LDB2: variants seen among roughly 807,000 people sequenced by gnomAD.
LDB2 encodes LIM domain binding 2, also known as LIM domain-binding protein 2.
A neutral mutation model predicts 44.3 loss-of-function variants in LDB2; 12 were observed. The observed-to-expected ratio is 0.27, with a 90% CI of 0.17 to 0.44. The LOEUF is 0.44. Ranked by LOEUF, LDB2 falls within the 20% of genes least tolerant of loss-of-function variation. The pLI is 1.00. For synonymous variants in LDB2, 164 were observed against 174.8 expected (o/e 0.94, Z 0.49); for missense variants, 344 against 473.5 (o/e 0.73, Z 2.54).
At chr4:16,508,475 G>T (rs1720443756) in intron 7 of LDB2, 60 bp downstream of exon 7, 3 of 1,358,206 alleles carry the variant, frequency 2.2e-6, no homozygotes, top group Non-Finnish European at 1.9e-6. Flanking sequence ...TTTAATTTGG[G>T]CCCTTTGAGT....
intron 2 of LDB2, among the ~76,000 whole-genome samples, chr4:16,656,146 C>T (rs1002350663): frequency 4.6e-5 from 7 of 152,216 alleles, no homozygotes; most frequent in Non-Finnish European, 1.0e-4. Flanking sequence ...GTGATCCACC[C>T]GCCTCGGCCT....
intron 7 of LDB2, among the ~76,000 whole-genome samples, chr4:16,504,421 T>C (rs986893963): frequency 6.6e-6 from 1 of 152,220 alleles, no homozygotes; most frequent in Non-Finnish European, 1.5e-5. Context: ...TTCTTGTGAA[T>C]AGATAAAAAT....
At chr4:16,877,240 C>A (rs563597961) in intron 1 of LDB2, among the ~76,000 whole-genome samples, 2 of 152,152 alleles carry the variant, frequency 1.3e-5, no homozygotes, top group African/African-American at 4.8e-5. Flanking sequence ...ATCATTGCAA[C>A]GAATCATTCT....
intron 5 of LDB2, among the ~76,000 whole-genome samples, chr4:16,527,446 G>A (rs1331180290): frequency 6.6e-6 from 1 of 152,180 alleles, no homozygotes; most frequent in Admixed American, 6.5e-5. Flanking sequence ...TGGCGTGGAT[G>A]CGGTTGAAAA....
At chr4:16,540,255 G>A (rs916271683) in intron 5 of LDB2, among the ~76,000 whole-genome samples, 1 of 152,154 alleles carries the variant, frequency 6.6e-6, no homozygotes, top group Non-Finnish European at 1.5e-5. Flanking sequence ...GGGCTTGGGA[G>A]TGGACATGAA....
chr4:16,810,959 G>T (rs924493032), intron 1 of LDB2, among the ~76,000 whole-genome samples: 1 of 152,192 alleles, frequency 6.6e-6, no homozygotes, highest in Non-Finnish European at 1.5e-5. Flanking sequence ...ACAGACTGGT[G>T]GGGGGTGGTG....
At chr4:16,507,541 A>G (rs1260584410) in intron 7 of LDB2, among the ~76,000 whole-genome samples, 1 of 152,182 alleles carries the variant, frequency 6.6e-6, no homozygotes, top group African/African-American at 2.4e-5. Context: ...GTGAGGGGGA[A>G]AAACGTGGGA....
chr4:16,714,239 G>A (rs16893849), intron 2 of LDB2, among the ~76,000 whole-genome samples: 2,760 of 152,292 alleles, frequency 0.018, 34 homozygotes, highest in Non-Finnish European at 0.027. Context: ...ACATTGGAAA[G>A]TAGCATGTGT....
chr4:16,887,684 C>G (rs1722147160), intron 1 of LDB2, among the ~76,000 whole-genome samples: 1 of 150,846 alleles, frequency 6.6e-6, no homozygotes, highest in Non-Finnish European at 1.5e-5. Flanking sequence ...ACCCTAACTC[C>G]TACCAAAAGG....
At chr4:16,603,499 G>A (rs1376549746) in intron 2 of LDB2, among the ~76,000 whole-genome samples, 1 of 152,122 alleles carries the variant, frequency 6.6e-6, no homozygotes, top group East Asian at 1.9e-4. Context: ...ATACCTTGGA[G>A]GATCTCATCT....
intron 2 of LDB2, among the ~76,000 whole-genome samples, chr4:16,691,843 C>T (rs1283817903): frequency 6.6e-6 from 1 of 152,152 alleles, no homozygotes. Context: ...TACAGGTTTT[C>T]ATTCCTTCTG....
chr4:16,624,792 G>C (rs1229264213), intron 2 of LDB2, among the ~76,000 whole-genome samples: 1 of 152,162 alleles, frequency 6.6e-6, no homozygotes, highest in East Asian at 1.9e-4. Context: ...AGTTTTGCTA[G>C]ATTGACACCA....
rs115764657 is a variant in LDB2, at chr4:16,635,350, T to C, written c.236-39475A>G. ...TCAATAGTTGTCACTTACACCAAGA[T>C]AGTAAATGGATTCCAGCTCATGAAT... On this transcript the variant is annotated intron_variant, in intron 2 of 7. Transcript: ENST00000304523. 5.9e-3 allele frequency among the ~76,000 whole-genome samples: 903 copies of C among 152,126 alleles called. 13 individuals carry two copies. The highest frequency in any genetic ancestry group is 0.021 in the African/African-American group (874 of 41,506).
At chr4:16,802,182 G>C (rs1202785446) in intron 1 of LDB2, among the ~76,000 whole-genome samples, 1 of 152,168 alleles carries the variant, frequency 6.6e-6, no homozygotes, top group African/African-American at 2.4e-5. Flanking sequence ...CATCCTCTTT[G>C]TGGTGAAAGT....
intron 2 of LDB2, among the ~76,000 whole-genome samples, chr4:16,596,216 T>C (rs1303970595): frequency 6.6e-6 from 1 of 152,164 alleles, no homozygotes; most frequent in African/African-American, 2.4e-5. Flanking sequence ...TTTATAAAAA[T>C]AAGACACTTC....
At chr4:16,727,506 A>G (rs1325421393) in intron 2 of LDB2, among the ~76,000 whole-genome samples, 4 of 152,114 alleles carry the variant, frequency 2.6e-5, no homozygotes, top group Non-Finnish European at 5.9e-5. Flanking sequence ...AGCATGGGGA[A>G]TGCAGTTGAA....
At chr4:16,837,961 T>C (rs962537783) in intron 1 of LDB2, among the ~76,000 whole-genome samples, 5 of 152,212 alleles carry the variant, frequency 3.3e-5, no homozygotes, top group Non-Finnish European at 7.3e-5. Context: ...AACTTGTACA[T>C]GAGACTGTGG....
At chr4:16,645,380 C>CA (rs1050839285) in intron 2 of LDB2, among the ~76,000 whole-genome samples, 2 of 149,760 alleles carry the variant, frequency 1.3e-5, no homozygotes, top group African/African-American at 4.9e-5. Context: ...ACTAAAAATG[C>CA]AAAAAAATTA....
intron 5 of LDB2, among the ~76,000 whole-genome samples, chr4:16,523,371 T>G (rs1726995414): frequency 2.0e-5 from 3 of 152,232 alleles, no homozygotes; most frequent in Admixed American, 2.0e-4. Context: ...ACCGTAGATC[T>G]TAGTCACTTC....
Sources: allele counts gnomAD v4.1 joint callset (sites outside exome capture counted in the v4.1 genomes callset), GRCh38; gene constraint gnomAD v4.1.1; transcripts MANE v1.5; gene names NCBI Gene and HGNC (gene_info 2026-07-23, HGNC 2026-07-21).